Variants in ARHGEF15 observed in about 807,000 individuals in gnomAD.
ARHGEF15 encodes Rho guanine nucleotide exchange factor 15, also known as Rho guanine nucleotide exchange factor (GEF) 15.
A neutral mutation model predicts 79.7 loss-of-function variants in ARHGEF15; 58 were observed. That is an observed-to-expected ratio of 0.73 (90% CI 0.59 to 0.91). The LOEUF (loss-of-function observed/expected upper bound fraction) is 0.91. ARHGEF15 is among the 40% of genes least tolerant of loss of function. The pLI is 0.00. For missense variants in ARHGEF15, 1,012 were observed against 1,108.1 expected (o/e 0.91, Z 1.23); for synonymous variants, 442 against 456.0 (o/e 0.97, Z 0.39).
Position 8,320,998 on chromosome 17 carries a change from G to C in ARHGEF15, c.*5G>C. 6.2e-7 allele frequency: 1 copy of C among 1,614,040 alleles called. No homozygotes were observed. Among genetic ancestry groups the C allele is most frequent in the Non-Finnish European group, 8.5e-7 (1 of 1,180,012 alleles). On this transcript the variant is annotated 3_prime_UTR_variant, in exon 16 of 16. Coordinates refer to ENST00000361926, the MANE Select transcript of ARHGEF15 (RefSeq NM_173728.4). ...CCCAATGCCCCCCCACCCTAATGCA[G>C]GCTGAGGAGGGGGCACATGTTGGGA...
chr17:8,317,616 T>C (rs1905108548), intron 9 of ARHGEF15, among the ~76,000 whole-genome samples: 1 of 152,188 alleles, frequency 6.6e-6, no homozygotes, highest in African/African-American at 2.4e-5. Flanking sequence ...CTATTACTTG[T>C]CCTACTTTAG....
In ARHGEF15 at chr17:8,315,014, G is replaced by T; in HGVS notation, c.1048+50G>T. On this transcript the variant is annotated intron_variant, in intron 5 of 15. Transcript: ENST00000361926. This position sits in a 1 kb window ranked among gnomAD's most constrained non-coding sequence, Gnocchi z 4.3. ...CCCTGCTGTGACCATCAAGCAGTGG[G>T]GAAGGGTTTGGGAGCCCTGGGCTTC... 1 of 1,613,860 alleles carries T rather than the reference G, an allele frequency of 6.2e-7. No homozygotes were observed. Among genetic ancestry groups the T allele is most frequent in the African/African-American group, 1.3e-5 (1 of 75,052 alleles).
In ARHGEF15 at chr17:8,315,790, C is replaced by T. The variant is rs2151640055; in HGVS notation, c.1457C>T (p.Ser486Phe). Residue 486 changes from serine (S) to phenylalanine (F), a missense_variant, in exon 8 of 16, where the codon TCC becomes TTC. Transcript: ENST00000361926. The surrounding 1 kb of genome is among the most constrained non-coding windows in gnomAD (Gnocchi z 4.3). ...ACGCTCCTGTCCCGTGTGCGCTCTT[C>T]CCCCCACATCAGCGACTTGTGTGAT... ...LATLLSRVRSSPHISDLCDVV... is the reference protein window; with the variant it reads ...LATLLSRVRSFPHISDLCDVV... The T allele has an allele frequency of 1.2e-6, 2 of 1,613,258 alleles. No individual in the cohort carries two copies. The highest frequency in any genetic ancestry group is 1.1e-5 in the South Asian group (1 of 91,058).
Position 8,313,086 on chromosome 17 carries a change from A to G in ARHGEF15, c.766A>G (p.Ile256Val), listed in dbSNP as rs1446881098. 2.5e-6 allele frequency: 4 copies of G among 1,598,502 alleles called. No individual in the cohort carries two copies. Among genetic ancestry groups the G allele is most frequent in the Admixed American group, 3.4e-5 (2 of 59,320 alleles). ...TCGCTCCCGCCCCCACCCTCCAAGC[A>G]TCGGTCACCCTGCCGTTGTCCTCAC... is the stretch of plus-strand genomic sequence containing the variant. The part of the protein sequence containing the change: ...TSRSRPHPPS[I>V]GHPAVVLTSY... The change falls in exon 3 of 16, where the codon ATC (isoleucine) becomes GTC (valine). Residue 256 changes from isoleucine to valine, a missense_variant. Ile to Val is a conservative substitution (Grantham distance 29). This residue lies in a region of ARHGEF15 where 818 missense variants were observed against 882.5 expected (regional missense o/e 0.93). Coordinates refer to ENST00000361926, the MANE Select transcript of ARHGEF15 (RefSeq NM_173728.4).
At chr17:8,314,797 C>G in intron 4 of ARHGEF15, 109 bp from the exon 5 acceptor site, 2 of 1,307,184 alleles carry the variant, frequency 1.5e-6, no homozygotes, top group Non-Finnish European at 1.0e-6. Context: ...CGTCAGGGTC[C>G]CTACATCCAA....
chr17:8,319,238 C>T, intron 13 of ARHGEF15, 74 bp from the exon 14 acceptor site: 1 of 1,606,242 alleles, frequency 6.2e-7, no homozygotes, highest in Middle Eastern at 1.7e-4. Context: ...CCCAGTCTCT[C>T]TCTTCTGTGG....
In ARHGEF15 at chr17:8,320,830, C is replaced by T. The variant is rs967691546; in HGVS notation, c.2375-12C>T. ...CCCCACCTCATTGGAGCCTCTGTCT[C>T]TCTTCCCCCAGGTTGGCTGAAGGGG... On this transcript the variant is annotated splice_polypyrimidine_tract_variant and intron_variant, in intron 15 of 15. Transcript: ENST00000361926. The T allele has an allele frequency of 2.5e-6, 4 of 1,611,888 alleles. No individual in the cohort carries two copies. Among genetic ancestry groups the T allele is most frequent in the African/African-American group, 2.7e-5 (2 of 74,978 alleles).
chr17:8,315,127 G>A lies in ARHGEF15; in HGVS notation c.1110G>A (p.Glu370=). The A allele has an allele frequency of 1.9e-6, 3 of 1,614,084 alleles. No individual in the cohort carries two copies. The highest frequency in any genetic ancestry group is 2.5e-6 in the Non-Finnish European group (3 of 1,180,000). Residue 370 remains glutamate (E), a synonymous_variant, in exon 6 of 16, where the codon GAG becomes GAA. Coordinates refer to ENST00000361926, the MANE Select transcript of ARHGEF15 (RefSeq NM_173728.4). This position sits in a 1 kb window ranked among gnomAD's most constrained non-coding sequence, Gnocchi z 4.3. ...VLSEELWGVG[E]DGSPSPANAG... ...CAGAGGAGCTGTGGGGGGTGGGTGAGGATGGGAGTCCTTCTCCAGCAAATG... is the reference window on the plus strand; with the variant it reads ...CAGAGGAGCTGTGGGGGGTGGGTGAAGATGGGAGTCCTTCTCCAGCAAATG...
Position 8,312,644 on chromosome 17 carries a change from A to G in ARHGEF15, c.601+4A>G. ...TCCCAGGAGAACGGTGCTCCAGGTGAGTGTGGCGGGTGGGGGGCGCTGGGT... is the reference window on the plus strand; with the variant it reads ...TCCCAGGAGAACGGTGCTCCAGGTGGGTGTGGCGGGTGGGGGGCGCTGGGT... On this transcript the variant is annotated splice_donor_region_variant and intron_variant, in intron 2 of 15. Transcript: ENST00000361926. The G allele has an allele frequency of 6.2e-7, 1 of 1,612,074 alleles. No individual in the cohort carries two copies. The highest frequency in any genetic ancestry group is 8.5e-7 in the Non-Finnish European group (1 of 1,179,500).
At chr17:8,319,229 C>G in intron 13 of ARHGEF15, 70 bp downstream of exon 13, 1 of 1,606,162 alleles carries the variant, frequency 6.2e-7, no homozygotes, top group Non-Finnish European at 8.5e-7. Flanking sequence ...CCCCACTTCC[C>G]CAGTCTCTCT....
intron 2 of ARHGEF15, 64 bp from the exon 3 acceptor site, chr17:8,312,858 T>C (rs1461042782): frequency 6.4e-7 from 1 of 1,564,116 alleles, no homozygotes; most frequent in Admixed American, 1.7e-5. Flanking sequence ...AAGATGGAGA[T>C]GGTCTGGGCG....
chr17:8,311,493 G>A (rs1221111588), intron 1 of ARHGEF15, among the ~76,000 whole-genome samples: 1 of 152,054 alleles, frequency 6.6e-6, no homozygotes, highest in Non-Finnish European at 1.5e-5. Context: ...GGAGAGTCCG[G>A]AGAGAGGAAC....
At position 8,316,087 on chromosome 17, in the gene ARHGEF15, C is replaced by T. The variant is rs760515669; in HGVS notation, c.1643C>T (p.Pro548Leu). The T allele has an allele frequency of 2.5e-6, 4 of 1,602,974 alleles. No homozygotes were observed. The highest frequency in any genetic ancestry group is 1.3e-5 in the African/African-American group (1 of 74,976). The part of the protein sequence containing the change: ...LQSLPKCERL[P>L]LPSFLLLPFQ... ...AGCCTCCCTAAGTGTGAGCGGCTCC[C>T]GCTGCCGTCCTTCCTGCTACTGCCC... Residue 548 changes from proline to leucine, a missense_variant, in exon 9 of 16, where the codon CCG becomes CTG. Around this residue, in one of 3 missense-constraint regions of ARHGEF15, gnomAD observed 818 missense variants for 882.5 expected, o/e 0.93. Coordinates refer to ENST00000361926, the MANE Select transcript of ARHGEF15 (RefSeq NM_173728.4).
At position 8,321,119 on chromosome 17, in the gene ARHGEF15, C is replaced by T. The variant is rs553177905; in HGVS notation, c.*126C>T. 2.9e-6 allele frequency: 4 copies of T among 1,369,352 alleles called. No individual in the cohort carries two copies. Among genetic ancestry groups the T allele is most frequent in the African/African-American group, 2.9e-5 (2 of 69,530 alleles). 84.8% of individuals were successfully genotyped at this position (1,369,352 alleles called of 1,614,324 possible). On this transcript the variant is annotated 3_prime_UTR_variant, in exon 16 of 16. Coordinates refer to ENST00000361926, the MANE Select transcript of ARHGEF15 (RefSeq NM_173728.4). ...TACCTCTCGTGGCAACCATAGAGAT[C>T]GAGCTTCAGGACAGAGCAGCCAATG... is the stretch of plus-strand genomic sequence containing the variant.
rs1422329513 is a variant in ARHGEF15, at chr17:8,319,090, C to T, written c.2117C>T (p.Thr706Ile). 6.2e-7 allele frequency: 1 copy of T among 1,614,038 alleles called. No homozygotes were observed. Among genetic ancestry groups the T allele is most frequent in the Non-Finnish European group, 8.5e-7 (1 of 1,180,006 alleles). The change falls in exon 13 of 16, where the codon ACC becomes ATC. Residue 706 changes from threonine to isoleucine, a missense_variant. Thr to Ile is a moderately conservative substitution (Grantham distance 89). Transcript: ENST00000361926. ...QQVPDPSGPP[T>I]FRLSLLSNHQ... ...GTTCCGGATCCATCTGGACCCCCTA[C>T]CTTCCGCCTCTCCCTTCTCAGCAAC...
Position 8,315,845 on chromosome 17 carries a change from C to T in ARHGEF15, c.1512C>T (p.Phe504=), listed in dbSNP as rs1311769386. ...DVVHAHAVGP[F]SVYVDYVRNQ... is the part of the protein sequence containing the mutation. Reference sequence around the variant, plus strand: ...TGCATGCCCACGCTGTGGGGCCTTTCTCGGTGTATGTGGATTATGTGCGGA... The same window carrying T: ...TGCATGCCCACGCTGTGGGGCCTTTTTCGGTGTATGTGGATTATGTGCGGA... The change falls in exon 8 of 16, where the codon TTC becomes TTT. Residue 504 remains phenylalanine, a synonymous_variant. Coordinates refer to ENST00000361926, the MANE Select transcript of ARHGEF15 (RefSeq NM_173728.4). The surrounding 1 kb of genome is among the most constrained non-coding windows in gnomAD (Gnocchi z 4.3). The T allele has an allele frequency of 2.5e-6, 4 of 1,612,618 alleles. No individual in the cohort carries two copies. Among genetic ancestry groups the T allele is most frequent in the Non-Finnish European group, 3.4e-6 (4 of 1,180,028 alleles).
intron 4 of ARHGEF15, 76 bp from the exon 5 acceptor site, chr17:8,314,830 C>T (rs1904901012): frequency 6.3e-7 from 1 of 1,587,558 alleles, no homozygotes; most frequent in African/African-American, 1.3e-5. Flanking sequence ...TTGCCCTGTC[C>T]AGCATGAGAA....
In ARHGEF15 at chr17:8,316,102, T is replaced by G; in HGVS notation, c.1658T>G (p.Leu553Arg). 1 of 1,603,718 alleles carries G rather than the reference T, an allele frequency of 6.2e-7. No individual in the cohort carries two copies. The highest frequency in any genetic ancestry group is 8.5e-7 in the Non-Finnish European group (1 of 1,179,334). ...KCERLPLPSFLLLPFQRITRL... is the reference protein window; with the variant it reads ...KCERLPLPSFRLLPFQRITRL... Reference sequence around the variant, plus strand: ...GAGCGGCTCCCGCTGCCGTCCTTCCTGCTACTGCCCTTCCAGCGCATCACC... The same window carrying G: ...GAGCGGCTCCCGCTGCCGTCCTTCCGGCTACTGCCCTTCCAGCGCATCACC... The change falls in exon 9 of 16, where the codon CTG (leucine) becomes CGG (arginine). Residue 553 changes from leucine (L) to arginine (R), a missense_variant. This residue lies in a region of ARHGEF15 where 818 missense variants were observed against 882.5 expected (regional missense o/e 0.93). Coordinates refer to ENST00000361926, the MANE Select transcript of ARHGEF15 (RefSeq NM_173728.4).
At position 8,313,012 on chromosome 17, in the gene ARHGEF15, A is replaced by G; in HGVS notation, c.692A>G (p.Tyr231Cys). Residue 231 changes from tyrosine (Y) to cysteine (C), a missense_variant, in exon 3 of 16, where the codon TAT (tyrosine) becomes TGT (cysteine). By Grantham distance (194) the Tyr-to-Cys change is radical. Around this residue, in one of 3 missense-constraint regions of ARHGEF15, gnomAD observed 818 missense variants for 882.5 expected, o/e 0.93. Transcript: ENST00000361926. ...CTCAGATGGGTGCCTGTGGGGGGCT[A>G]TGAGGAGGTCCCCAGGGTCCCCCGT... ...LELRWVPVGG[Y>C]EEVPRVPRRA... The G allele has an allele frequency of 6.2e-7, 1 of 1,612,698 alleles. No individual in the cohort carries two copies. Among genetic ancestry groups the G allele is most frequent in the Middle Eastern group, 1.7e-4 (1 of 6,054 alleles).
Sources: allele counts gnomAD v4.1 joint callset (sites outside exome capture counted in the v4.1 genomes callset), GRCh38; gene constraint gnomAD v4.1.1; regional missense constraint gnomAD v4.1.1; non-coding constraint Gnocchi (gnomAD v3.1); transcripts MANE v1.5; gene names NCBI Gene and HGNC (gene_info 2026-07-23, HGNC 2026-07-21).